ANKAR: variants seen among roughly 807,000 people sequenced by gnomAD.
The protein encoded by ANKAR is ankyrin and armadillo repeat-containing protein.
A neutral mutation model predicts 146.2 loss-of-function variants in ANKAR; 136 were observed. The observed-to-expected ratio is 0.93, with a 90% CI of 0.81 to 1.07. The LOEUF is 1.07. ANKAR is among the 50% of genes least tolerant of loss of function. The pLI, the probability that ANKAR is intolerant of heterozygous loss-of-function variation, is 0.00. For synonymous variants in ANKAR, 500 were observed against 575.8 expected, an observed-to-expected ratio of 0.87 and a Z score of 1.88; for missense variants, 1,567 against 1,679.9, an observed-to-expected ratio of 0.93 and a Z score of 1.18.
Position 189,689,728 on chromosome 2 carries a change from G to A in ANKAR, c.803G>A (p.Trp268Ter), listed in dbSNP as rs199881148. The change falls in exon 3 of 23, where the codon TGG becomes TAG. Residue 268 changes from tryptophan (W) to a stop codon, truncating the protein, a stop_gained. Coordinates refer to ENST00000684021, the MANE Select transcript of ANKAR (RefSeq NM_001378068.1). LOFTEE classifies it high-confidence loss of function. ...GTCTTTATATTTGAAACAGGCTATT[G>A]GCTTACTAATGCTATAAAATATAAT... ...ENVFIFETGY[W>*]LTNAIKYNQD... is the part of the protein sequence containing the mutation. 2.9e-5 allele frequency: 47 copies of A among 1,613,018 alleles called. No individual in the cohort carries two copies. The highest frequency in any genetic ancestry group is 1.6e-4 in the Middle Eastern group (1 of 6,080).
In ANKAR at chr2:189,752,609, T is replaced by C. The variant is rs2045449587; in HGVS notation, c.*584+7821T>C. On this transcript the variant is annotated intron_variant and NMD_transcript_variant, in intron 18 of 18. Coordinates refer to the ANKAR transcript ENST00000441800. ...TAAAGGCAAAATCCAGGCTTTGTCT[T>C]AAGTAATGTAACTTGCATAAAGATC... 3.1e-6 allele frequency: 5 copies of C among 1,596,504 alleles called. No homozygotes were observed. In the Admixed American group the frequency reaches 6.7e-5, roughly 21 times the overall value.
At position 189,714,947 on chromosome 2, in the gene ANKAR, C is replaced by CAA. The variant is rs71401215; in HGVS notation, c.2224+3813_2224+3814dup. Among the ~76,000 whole-genome samples the CAA allele has an allele frequency of 6.2e-3, 540 of 87,078 alleles. 5 individuals are homozygous for CAA. The highest frequency in any genetic ancestry group is 9.4e-3 in the Non-Finnish European group (414 of 44,256). The allele number at this position is 87,078 out of a possible 152,430, so 57.1% of individuals were successfully genotyped here. On this transcript the variant is annotated intron_variant, in intron 10 of 22. Coordinates refer to ENST00000684021, the MANE Select transcript of ANKAR (RefSeq NM_001378068.1). ...GGCGACAGAGTGAGACTCCATCTCA[C>CAA]AAAAAAAAAAAAAAAAAAAAGAGAG... is the stretch of plus-strand genomic sequence containing the variant.
chr2:189,738,083 C>A (rs1026831534), intron 18 of ANKAR, among the ~76,000 whole-genome samples: 13 of 152,118 alleles, frequency 8.5e-5, no homozygotes, highest in African/African-American at 3.1e-4. Flanking sequence ...ATGTTTATAA[C>A]AAGCCTGTAA....
intron 6 of ANKAR, 143 bp from the exon 7 acceptor site, chr2:189,696,007 C>T (rs2037143396): frequency 1.5e-6 from 1 of 654,618 alleles, no homozygotes; most frequent in Non-Finnish European, 2.5e-6. Context: ...CAGTAAGAAA[C>T]TTTCCATGCA....
chr2:189,686,812 C>T (rs547634052), intron 2 of ANKAR, among the ~76,000 whole-genome samples: 50 of 137,236 alleles, frequency 3.6e-4, no homozygotes, highest in Non-Finnish European at 5.6e-4. Flanking sequence ...AATTTGGAAA[C>T]GAGACTCTTT....
At chr2:189,689,497 T>C in intron 2 of ANKAR, 30 bp from the exon 3 acceptor site, 1 of 1,506,124 alleles carries the variant, frequency 6.6e-7, no homozygotes, top group South Asian at 1.3e-5. Context: ...AAATTTTCAC[T>C]ATCTAAAATT....
At chr2:189,753,140 G>T in intron 18 of ANKAR, 1 of 515,002 alleles carries the variant, frequency 1.9e-6, no homozygotes, top group South Asian at 5.3e-5. Flanking sequence ...AATTTGGAAA[G>T]AAAAAAATTA....
At chr2:189,742,349 C>T (rs1373641114) in intron 20 of ANKAR, among the ~76,000 whole-genome samples, 1 of 152,210 alleles carries the variant, frequency 6.6e-6, no homozygotes, top group East Asian at 1.9e-4. Flanking sequence ...TTCTATGAAA[C>T]TTTTTATGCT....
At chr2:189,760,423 G>GC (rs1428932941) in intron 18 of ANKAR, among the ~76,000 whole-genome samples, 2 of 152,056 alleles carry the variant, frequency 1.3e-5, no homozygotes, top group Admixed American at 1.3e-4. Context: ...GGGCGGGGGC[G>GC]CCCCCCACCT....
Position 189,752,405 on chromosome 2 carries a change from G to GAA in ANKAR, c.*584+7618_*584+7619dup, listed in dbSNP as rs1245170635. On this transcript the variant is annotated intron_variant and NMD_transcript_variant, in intron 18 of 18. Coordinates refer to the ANKAR transcript ENST00000441800. ...GTTTACATTCTAGTTCCAAAGGAGG[G>GAA]AATTCATCACCCTTACTCATGACCT... is the stretch of plus-strand genomic sequence containing the variant. Among the ~76,000 whole-genome samples, 8 of 152,266 alleles carry GAA rather than the reference G, an allele frequency of 5.3e-5. 1 individual carries two copies. In the East Asian group the frequency reaches 1.5e-3, roughly 29 times the overall value.
intron 6 of ANKAR, 22 bp from the exon 7 acceptor site, chr2:189,696,128 A>G (rs1484655676): frequency 6.2e-7 from 1 of 1,610,486 alleles, no homozygotes; most frequent in Non-Finnish European, 8.5e-7. Flanking sequence ...TGATAAACTG[A>G]TTCTGGCCTT....
chr2:189,681,735 G>T (rs1324542874), intron 2 of ANKAR, among the ~76,000 whole-genome samples: 1 of 152,156 alleles, frequency 6.6e-6, no homozygotes, highest in Non-Finnish European at 1.5e-5. Context: ...TGATCCCTGG[G>T]GAGGGAGGTA....
At chr2:189,722,546 G>T (rs534740712) in intron 12 of ANKAR, among the ~76,000 whole-genome samples, 1 of 151,722 alleles carries the variant, frequency 6.6e-6, no homozygotes, top group Non-Finnish European at 1.5e-5. Context: ...AGTACAAATT[G>T]TAGCAACAAT....
chr2:189,685,696 T>C (rs1192898766), intron 2 of ANKAR, among the ~76,000 whole-genome samples: 1 of 152,138 alleles, frequency 6.6e-6, no homozygotes, highest in Non-Finnish European at 1.5e-5. Flanking sequence ...CCCCCAGATG[T>C]TGTATCTGCA....
downstream of ANKAR, among the ~76,000 whole-genome samples, chr2:189,749,244 TAAA>T (rs397987026): frequency 1.6e-5 from 1 of 63,266 alleles, no homozygotes; most frequent in African/African-American, 6.5e-5. Flanking sequence ...AGACTCTGTC[TAAA>T]AAAAAAAAAA....
At chr2:189,738,461 A>G (rs1448427812) in intron 18 of ANKAR, 104 bp from the exon 19 acceptor site, 1 of 687,154 alleles carries the variant, frequency 1.5e-6, no homozygotes, top group Admixed American at 2.7e-5. Flanking sequence ...CCCTTTAAGA[A>G]GTATCAAAAG....
intron 16 of ANKAR, among the ~76,000 whole-genome samples, chr2:189,732,659 T>TAAAA (rs10707585): frequency 2.0e-5 from 1 of 50,384 alleles, no homozygotes. Flanking sequence ...AGACTCCATC[T>TAAAA]AAAAAAAAAA....
chr2:189,685,623 C>T (rs1380664766), intron 2 of ANKAR, among the ~76,000 whole-genome samples: 1 of 152,124 alleles, frequency 6.6e-6, no homozygotes, highest in Non-Finnish European at 1.5e-5. Flanking sequence ...GAGGCAGGAA[C>T]GCTGGCAGAC....
rs1018267433 is a variant in ANKAR at position 189,743,340 on chromosome 2, A to G, written c.3876A>G (p.Leu1292=). 3 of 1,613,934 alleles carry G rather than the reference A, an allele frequency of 1.9e-6. No homozygotes were observed. Among genetic ancestry groups the G allele is most frequent in the Non-Finnish European group, 2.5e-6 (3 of 1,179,972 alleles). ...LTYNANAFRI[L]LKECRNKPNQ... is the part of the protein sequence containing the mutation. ...ACAATGCAAATGCTTTCCGCATCCT[A>G]TTAAAAGAATGCAGGAATAAACCTA... The change falls in exon 21 of 23, where the codon CTA becomes CTG. Residue 1292 remains leucine (L), a synonymous_variant. Coordinates refer to ENST00000684021, the MANE Select transcript of ANKAR (RefSeq NM_001378068.1).
Sources: allele counts gnomAD v4.1 joint callset (sites outside exome capture counted in the v4.1 genomes callset), GRCh38; gene constraint gnomAD v4.1.1; transcripts MANE v1.5; gene names NCBI Gene and HGNC (gene_info 2026-07-23, HGNC 2026-07-21).